Variants in GPD1L observed in about 807,000 individuals in gnomAD.
The protein encoded by GPD1L is glycerol-3-phosphate dehydrogenase 1 like.
A neutral mutation model predicts 32.9 loss-of-function variants in GPD1L; 17 were observed. That is an observed-to-expected ratio of 0.52 (90% confidence interval 0.35 to 0.78). GPD1L has a LOEUF of 0.78. Among genes scored for constraint, GPD1L ranks in the 30% least tolerant of loss-of-function variants. The pLI is 0.01. For synonymous variants in GPD1L, 187 were observed against 165.9 expected (o/e 1.13, Z -0.98); for missense variants, 361 against 447.8 (o/e 0.81, Z 1.75).
At chr3:32,143,506 A>G (rs895338673) in intron 4 of GPD1L, among the ~76,000 whole-genome samples, 3 of 151,224 alleles carry the variant, frequency 2.0e-5, no homozygotes, top group Non-Finnish European at 3.0e-5. Context: ...GTCATGAAAG[A>G]CAATGAAAGG....
At chr3:32,134,919 C>G (rs1700643433) in intron 2 of GPD1L, among the ~76,000 whole-genome samples, 1 of 152,172 alleles carries the variant, frequency 6.6e-6, no homozygotes, top group Non-Finnish European at 1.5e-5. Flanking sequence ...AAAACATTGC[C>G]ACTCATATTA....
chr3:32,128,989 G>T lies in GPD1L; in HGVS notation c.225+736G>T, dbSNP rs193186465. Reference sequence around the variant, plus strand: ...ATTCAAGCTTATTAAGTCTGGGAGAGAAAAATACAGGTTATTGCCTGACCT... The same window carrying T: ...ATTCAAGCTTATTAAGTCTGGGAGATAAAAATACAGGTTATTGCCTGACCT... On this transcript the variant is annotated intron_variant, in intron 2 of 7. Coordinates refer to ENST00000282541, the MANE Select transcript of GPD1L (RefSeq NM_015141.4). Among the ~76,000 whole-genome samples, 454 of 152,338 alleles carry T rather than the reference G, an allele frequency of 3.0e-3. 2 individuals are homozygous for T. Among genetic ancestry groups the T allele is most frequent in the African/African-American group, 0.01 (431 of 41,570 alleles).
rs114472375 is a variant in GPD1L at position 32,157,494 on chromosome 3, G to T, written c.619-1382G>T. On this transcript the variant is annotated intron_variant, in intron 5 of 7. Coordinates refer to ENST00000282541, the MANE Select transcript of GPD1L (RefSeq NM_015141.4). ...AGCCCCTGCATTCCCCCTGCCACCC[G>T]CTAGCCCCTGCAATCACTGTGTCCC... Among the ~76,000 whole-genome samples the T allele has an allele frequency of 5.9e-3, 891 of 152,150 alleles. 11 individuals carry two copies. The highest frequency in any genetic ancestry group is 0.02 in the African/African-American group (820 of 41,514).
rs1301342439 is a variant in GPD1L at position 32,138,650 on chromosome 3, C to T, written c.289C>T (p.His97Tyr). The T allele has an allele frequency of 6.2e-7, 1 of 1,613,916 alleles. No homozygotes were observed. The highest frequency in any genetic ancestry group is 1.7e-5 in the Admixed American group (1 of 60,000). Residue 97 changes from histidine (H) to tyrosine (Y), a missense_variant, in exon 3 of 8, where the codon CAC becomes TAC. By Grantham distance (83) the His-to-Tyr change is moderately conservative. Transcript: ENST00000282541. ...AGACCTGCTGGTGTTTGTCATTCCC[C>T]ACCAGTTCATTCACAGAATCTGTGA... Reference protein sequence around the residue: ...DADLLVFVIPHQFIHRICDEI... With the variant: ...DADLLVFVIPYQFIHRICDEI...
chr3:32,157,740 A>G (rs987246652), intron 5 of GPD1L, among the ~76,000 whole-genome samples: 2 of 152,222 alleles, frequency 1.3e-5, no homozygotes, highest in East Asian at 1.9e-4. Context: ...CTCTGTTGCA[A>G]TTACTCAAAT....
At chr3:32,153,969 C>T (rs778856305) in intron 5 of GPD1L, among the ~76,000 whole-genome samples, 3 of 152,040 alleles carry the variant, frequency 2.0e-5, no homozygotes, top group African/African-American at 4.8e-5. Flanking sequence ...GTATTTTTAG[C>T]TCCAAAAGAG....
intron 1 of GPD1L, among the ~76,000 whole-genome samples, chr3:32,123,857 C>T (rs911839806): frequency 8.9e-6 from 1 of 112,592 alleles, no homozygotes; most frequent in Non-Finnish European, 2.0e-5. Context: ...CAGATAAGAC[C>T]CATGCCTGAC....
rs527871535 is a variant in GPD1L at position 32,166,208 on chromosome 3, A to C, written c.*298A>C. 2 of 427,078 alleles carry C rather than the reference A, an allele frequency of 4.7e-6. No individual in the cohort carries two copies. Among genetic ancestry groups the C allele is most frequent in the Admixed American group, 3.8e-5 (1 of 26,264 alleles). The allele number at this position is 427,078 out of a possible 1,614,324, so 26.5% of individuals were successfully genotyped here. On this transcript the variant is annotated 3_prime_UTR_variant, in exon 8 of 8. Coordinates refer to ENST00000282541, the MANE Select transcript of GPD1L (RefSeq NM_015141.4). ...AAATTGCTTATGAAATTTCCACACA[A>C]TCGTAGCTTATAAGATTGGAACGAT...
chr3:32,146,719 C>G lies in GPD1L; in HGVS notation c.603C>G (p.Leu201=), dbSNP rs17852606. The change falls in exon 5 of 8, where the codon CTC becomes CTG. Residue 201 remains leucine, a synonymous_variant. Transcript: ENST00000282541. ...TVVDDADTVE[L]CGALKNIVAV... ...TTGATGATGCAGACACTGTTGAACT[C>G]TGTGGTGCGCTTAAGGTAAAGTCAG... The G allele has an allele frequency of 1.2e-6, 2 of 1,603,676 alleles. No individual in the cohort carries two copies. Among genetic ancestry groups the G allele is most frequent in the Non-Finnish European group, 1.7e-6 (2 of 1,170,668 alleles).
Position 32,165,934 on chromosome 3 carries a change from G to A in GPD1L, c.*24G>A, listed in dbSNP as rs373003382. On this transcript the variant is annotated 3_prime_UTR_variant, in exon 8 of 8. Coordinates refer to ENST00000282541, the MANE Select transcript of GPD1L (RefSeq NM_015141.4). ...AAAGTGAATCATGCAACGTGTTGGG[G>A]GAAGTTCTGCCTTTCTGATCAATCT... 1.5e-6 allele frequency: 2 copies of A among 1,291,480 alleles called. No homozygotes were observed. Among genetic ancestry groups the A allele is most frequent in the Non-Finnish European group, 1.1e-6 (1 of 885,170 alleles). The allele number at this position is 1,291,480 out of a possible 1,614,324, so 80.0% of individuals were successfully genotyped here.
chr3:32,110,706 G>A (rs1221186424), intron 1 of GPD1L, among the ~76,000 whole-genome samples: 1 of 152,224 alleles, frequency 6.6e-6, no homozygotes, highest in Non-Finnish European at 1.5e-5. Flanking sequence ...AGGAGGGGCC[G>A]TCATGCATCC....
chr3:32,149,986 C>T (rs1417668590), intron 5 of GPD1L, among the ~76,000 whole-genome samples: 1 of 151,894 alleles, frequency 6.6e-6, no homozygotes, highest in African/African-American at 2.4e-5. Flanking sequence ...AATCAAACTG[C>T]ATCTATTTAG....
At position 32,110,089 on chromosome 3, in the gene GPD1L, TTG is replaced by T. The variant is rs1322558054; in HGVS notation, c.47+3335_47+3336del. 2.0e-5 allele frequency among the ~76,000 whole-genome samples: 3 copies of T among 152,300 alleles called. No homozygotes were observed. The East Asian group carries it at 5.8e-4, about 29-fold the overall frequency. On this transcript the variant is annotated intron_variant, in intron 1 of 7. Coordinates refer to ENST00000282541, the MANE Select transcript of GPD1L (RefSeq NM_015141.4). ...CCCGCCACCACGCCCAGCTAATTTT[TTG>T]TGTTTTTTAGTAGAGACGAGGTTTC...
intron 1 of GPD1L, among the ~76,000 whole-genome samples, chr3:32,125,801 A>G (rs555639631): frequency 7.2e-5 from 11 of 152,328 alleles, no homozygotes; most frequent in Middle Eastern, 3.4e-3. Context: ...TGCATTACGC[A>G]TAGTAGGTGC....
chr3:32,164,611 G>A (rs548215708), intron 7 of GPD1L, among the ~76,000 whole-genome samples: 2 of 152,306 alleles, frequency 1.3e-5, no homozygotes, highest in South Asian at 2.1e-4. Context: ...AACAGGGTCA[G>A]AAGGATTGTG....
At chr3:32,151,100 G>C (rs1048789845) in intron 5 of GPD1L, 2 of 430,346 alleles carry the variant, frequency 4.6e-6, no homozygotes, top group Admixed American at 2.7e-5. Flanking sequence ...TGAATTCATA[G>C]AGAATAAGTC....
chr3:32,136,780 T>C (rs1480584729), intron 2 of GPD1L, among the ~76,000 whole-genome samples: 1 of 152,038 alleles, frequency 6.6e-6, no homozygotes, highest in Admixed American at 6.6e-5. Context: ...TTTTTTCCCC[T>C]GTACCATCTC....
chr3:32,132,982 G>A (rs1700608094), intron 2 of GPD1L, among the ~76,000 whole-genome samples: 2 of 152,210 alleles, frequency 1.3e-5, no homozygotes, highest in South Asian at 4.1e-4. Context: ...GGCTGCAAGT[G>A]AGATGAAGAG....
At chr3:32,150,644 A>G (rs1219250977) in intron 5 of GPD1L, among the ~76,000 whole-genome samples, 3 of 151,858 alleles carry the variant, frequency 2.0e-5, no homozygotes, top group Non-Finnish European at 4.4e-5. Context: ...ATTCCACCAC[A>G]CCCAGTTAAT....
Sources: allele counts gnomAD v4.1 joint callset (sites outside exome capture counted in the v4.1 genomes callset), GRCh38; gene constraint gnomAD v4.1.1; transcripts MANE v1.5; gene names NCBI Gene and HGNC (gene_info 2026-07-23, HGNC 2026-07-21).